Variants in SGPL1 observed in about 807,000 individuals in gnomAD.
SGPL1 encodes the protein SP-lyase 1.
Under a neutral mutation model 68.9 loss-of-function variants are expected in SGPL1, and 37 were observed. The observed-to-expected ratio is 0.54, with a 90% CI of 0.41 to 0.71. The LOEUF (loss-of-function observed/expected upper bound fraction) is 0.71, where lower values mean the gene tolerates loss of function less well. SGPL1 is among the 30% of genes least tolerant of loss of function. SGPL1 has a pLI of 0.00. For missense variants in SGPL1, 551 were observed against 704.6 expected, an observed-to-expected ratio of 0.78 and a Z score of 2.47; for synonymous variants, 236 against 248.5, an observed-to-expected ratio of 0.95 and a Z score of 0.47.
chr10:70,866,748 C>T (rs944251227), intron 7 of SGPL1: 1 of 152,216 alleles, frequency 6.6e-6, no homozygotes, highest in African/African-American at 2.4e-5. Flanking sequence ...TAGTGACCTA[C>T]AAGTGTCCCA....
At chr10:70,869,488 C>CT in intron 8 of SGPL1, 1 of 214,652 alleles carries the variant, frequency 4.7e-6, no homozygotes, top group South Asian at 7.7e-5. Context: ...TCCAAAGTCT[C>CT]TGTCCCCCAG....
At chr10:70,846,267 C>G (rs1845790852) in intron 3 of SGPL1, among the ~76,000 whole-genome samples, 1 of 152,142 alleles carries the variant, frequency 6.6e-6, no homozygotes. Flanking sequence ...TAGCTTGTGT[C>G]CTTCTGCTCT....
At chr10:70,838,746 TAAAG>T (rs1315642124) in intron 2 of SGPL1, among the ~76,000 whole-genome samples, 3 of 152,200 alleles carry the variant, frequency 2.0e-5, no homozygotes, top group African/African-American at 4.8e-5. Context: ...TATCAAGCGT[TAAAG>T]AAGGAAGAAA....
At chr10:70,844,983 C>G (rs139330300) in intron 3 of SGPL1, among the ~76,000 whole-genome samples, 12 of 152,258 alleles carry the variant, frequency 7.9e-5, no homozygotes, top group African/African-American at 2.6e-4. Context: ...CGTGATCCAC[C>G]CACCTCGGCC....
At chr10:70,821,441 A>G (rs1279192109) in intron 2 of SGPL1, among the ~76,000 whole-genome samples, 2 of 152,200 alleles carry the variant, frequency 1.3e-5, no homozygotes, top group East Asian at 3.8e-4. Flanking sequence ...GCTGATATTC[A>G]TAGATGAATC....
chr10:70,827,459 CT>C (rs1185414362), intron 2 of SGPL1, among the ~76,000 whole-genome samples: 2 of 152,274 alleles, frequency 1.3e-5, no homozygotes, highest in East Asian at 3.9e-4. Flanking sequence ...GTAAGTTGAG[CT>C]TTTCATATAA....
chr10:70,842,618 G>T (rs1204275268), intron 2 of SGPL1, among the ~76,000 whole-genome samples: 4 of 152,048 alleles, frequency 2.6e-5, no homozygotes, highest in African/African-American at 7.2e-5. Context: ...AGAGAGTGGG[G>T]GGAGGTCCTA....
intron 11 of SGPL1, among the ~76,000 whole-genome samples, chr10:70,873,129 T>G (rs901868720): frequency 7.9e-5 from 12 of 152,230 alleles, no homozygotes; most frequent in African/African-American, 2.9e-4. Context: ...TGTTCTTCCC[T>G]GGGTCTCAGA....
chr10:70,845,491 A>G lies in SGPL1; in HGVS notation c.193+853A>G, dbSNP rs377014622. Among the ~76,000 whole-genome samples the G allele has an allele frequency of 3.2e-4, 48 of 152,152 alleles. 1 individual carries two copies. In the South Asian group the frequency reaches 1.0e-2, roughly 32 times the overall value. ...GGGGATCGTATACTTTGAGCTTCCT[A>G]GAAGTGACTCAGTGCCAGATCAACA... is the stretch of plus-strand genomic sequence containing the variant. On this transcript the variant is annotated intron_variant, in intron 3 of 14. Coordinates refer to ENST00000373202, the MANE Select transcript of SGPL1 (RefSeq NM_003901.4).
chr10:70,863,278 C>T (rs113215311), intron 7 of SGPL1, among the ~76,000 whole-genome samples: 8 of 147,726 alleles, frequency 5.4e-5, no homozygotes, highest in African/African-American at 9.9e-5. Flanking sequence ...TAAGCCACCA[C>T]GCTTGGCCGT....
chr10:70,827,018 G>T (rs118185028), intron 2 of SGPL1, among the ~76,000 whole-genome samples: 2,302 of 152,238 alleles, frequency 0.015, 23 homozygotes, highest in Non-Finnish European at 0.021. Context: ...GTGATCACAA[G>T]TGCAAGAGTT....
chr10:70,836,418 T>G (rs925160484), intron 2 of SGPL1, among the ~76,000 whole-genome samples: 1 of 152,218 alleles, frequency 6.6e-6, no homozygotes, highest in African/African-American at 2.4e-5. Context: ...TTCTATCAGT[T>G]TGACTGAGCA....
intron 7 of SGPL1, among the ~76,000 whole-genome samples, chr10:70,862,885 A>G (rs1267501333): frequency 6.6e-6 from 1 of 152,252 alleles, no homozygotes; most frequent in Non-Finnish European, 1.5e-5. Context: ...AGTGAGACCA[A>G]GAACCCACCA....
rs1425642287 is a variant in SGPL1, at chr10:70,872,772, T to C, written c.1060-579T>C. Among the ~76,000 whole-genome samples the C allele has an allele frequency of 2.6e-5, 4 of 152,202 alleles. No individual in the cohort carries two copies. The East Asian group carries it at 7.7e-4, about 29-fold the overall frequency. The stretch of plus-strand genomic sequence containing the variant: ...ACCATCCATTTCTGGATGGTTCAGG[T>C]AATGAAATTAGTTCCACGTTAGTTT... On this transcript the variant is annotated intron_variant, in intron 11 of 14. Coordinates refer to ENST00000373202, the MANE Select transcript of SGPL1 (RefSeq NM_003901.4).
intron 8 of SGPL1, chr10:70,869,070 G>A (rs1846244693): frequency 6.6e-6 from 1 of 152,496 alleles, no homozygotes; most frequent in Admixed American, 6.5e-5. Context: ...TCATGCTGTG[G>A]TTCATATGTA....
intron 2 of SGPL1, 124 bp from the exon 3 acceptor site, chr10:70,844,349 G>A: frequency 1.2e-6 from 1 of 801,594 alleles, no homozygotes; most frequent in South Asian, 1.8e-5. Flanking sequence ...TAAGATTATT[G>A]CTGAAGAAGG....
At chr10:70,860,573 C>A in intron 7 of SGPL1, 1 of 398,718 alleles carries the variant, frequency 2.5e-6, no homozygotes, top group Non-Finnish European at 5.0e-6. Context: ...CTGAGGTGAA[C>A]AGGGTGACTT....
chr10:70,823,734 A>G (rs1443628803), intron 2 of SGPL1, among the ~76,000 whole-genome samples: 1 of 150,040 alleles, frequency 6.7e-6, no homozygotes, highest in African/African-American at 2.4e-5. Context: ...TTCATAATTG[A>G]AGTTCCTCTT....
At chr10:70,840,795 G>A (rs1416958) in intron 2 of SGPL1, among the ~76,000 whole-genome samples, 6,894 of 152,210 alleles carry the variant, frequency 0.045, 208 homozygotes, top group East Asian at 0.13. Flanking sequence ...ATGTTAGTGA[G>A]GAATGTCTTT....
Sources: allele counts gnomAD v4.1 joint callset (sites outside exome capture counted in the v4.1 genomes callset), GRCh38; gene constraint gnomAD v4.1.1; transcripts MANE v1.5; gene names NCBI Gene and HGNC (gene_info 2026-07-23, HGNC 2026-07-21).